ATP13A5: variants seen among roughly 807,000 people sequenced by gnomAD.
ATP13A5 encodes the protein ATPase 13A5, also known as probable cation-transporting ATPase 13A5.
ATP13A5 carries 149 observed loss-of-function variants against 150.2 expected under a neutral mutation model. The observed-to-expected ratio is 0.99, with a 90% CI of 0.87 to 1.14. The LOEUF is 1.14. ATP13A5 is among the 50% of genes most tolerant of loss of function. The pLI, the probability that ATP13A5 is intolerant of heterozygous loss-of-function variation, is 0.00. For synonymous variants in ATP13A5, 497 were observed against 522.2 expected, an observed-to-expected ratio of 0.95 and a Z score of 0.66; for missense variants, 1,383 against 1,449.3, an observed-to-expected ratio of 0.95 and a Z score of 0.74.
intron 19 of ATP13A5, among the ~76,000 whole-genome samples, chr3:193,312,432 C>T (rs763575085): frequency 6.6e-6 from 1 of 152,166 alleles, no homozygotes; most frequent in Non-Finnish European, 1.5e-5. Flanking sequence ...CCCACCTCAA[C>T]AGGTATCTCT....
chr3:193,378,281 CA>C (rs1713714225), intron 1 of ATP13A5, among the ~76,000 whole-genome samples: 1 of 152,138 alleles, frequency 6.6e-6, no homozygotes, highest in African/African-American at 2.4e-5. Context: ...CATACATACC[CA>C]AAGCACGAGA....
chr3:193,313,642 C>T (rs77667095), intron 19 of ATP13A5: 2,998 of 170,080 alleles, frequency 0.018, 71 homozygotes, highest in African/African-American at 0.051. Context: ...AATCTTACTG[C>T]TCTGAGCCTC....
chr3:193,286,739 C>T (rs1046299543), intron 26 of ATP13A5, among the ~76,000 whole-genome samples: 1 of 152,070 alleles, frequency 6.6e-6, no homozygotes, highest in Non-Finnish European at 1.5e-5. Context: ...CCACAGTGGC[C>T]TCTAAGTGTT....
Position 193,279,350 on chromosome 3 carries a change from A to T in ATP13A5, c.3315+16T>A. 6.3e-7 allele frequency: 1 copy of T among 1,597,820 alleles called. No individual in the cohort carries two copies. Among genetic ancestry groups the T allele is most frequent in the Non-Finnish European group, 8.6e-7 (1 of 1,165,386 alleles). ...GTACATGAGTCATGCCAGATGTGCA[A>T]ATGAATGCCACTTACCTCCATTCCA... is the stretch of plus-strand genomic sequence containing the variant. On this transcript the variant is annotated intron_variant, in intron 28 of 29. Coordinates refer to ENST00000342358, the MANE Select transcript of ATP13A5 (RefSeq NM_198505.4).
chr3:193,342,277 G>T (rs1712157358), intron 9 of ATP13A5, among the ~76,000 whole-genome samples: 1 of 152,182 alleles, frequency 6.6e-6, no homozygotes, highest in Admixed American at 6.5e-5. Context: ...AATCATATTT[G>T]TGGACAAATT....
At chr3:193,285,168 T>A in intron 26 of ATP13A5, 52 bp from the exon 27 acceptor site, 1 of 1,474,232 alleles carries the variant, frequency 6.8e-7, no homozygotes, top group Admixed American at 2.0e-5. Flanking sequence ...TTTTTGTCCA[T>A]TAGGTGAAAA....
intron 1 of ATP13A5, among the ~76,000 whole-genome samples, chr3:193,369,239 C>T (rs540938735): frequency 6.6e-6 from 1 of 151,822 alleles, no homozygotes; most frequent in Non-Finnish European, 1.5e-5. Context: ...CCTGTCTCTA[C>T]TGTCTCTAAG....
chr3:193,342,384 G>A (rs1194193853), intron 9 of ATP13A5, among the ~76,000 whole-genome samples: 4 of 152,170 alleles, frequency 2.6e-5, no homozygotes, highest in Admixed American at 2.6e-4. Context: ...GAGGATCTAT[G>A]TAGGCTGTGC....
chr3:193,289,754 CATT>C, intron 26 of ATP13A5, 128 bp downstream of exon 26: 1 of 781,430 alleles, frequency 1.3e-6, no homozygotes, highest in Non-Finnish European at 2.0e-6. Flanking sequence ...TCTGTCCCAT[CATT>C]TGAGTTTTGC....
chr3:193,341,510 G>T (rs1471041731), intron 9 of ATP13A5, among the ~76,000 whole-genome samples: 1 of 152,162 alleles, frequency 6.6e-6, no homozygotes, highest in East Asian at 1.9e-4. Context: ...ACGGGAACAT[G>T]CAACAAGGTT....
intron 9 of ATP13A5, among the ~76,000 whole-genome samples, chr3:193,342,686 T>C (rs568703357): frequency 1.1e-4 from 17 of 152,284 alleles, no homozygotes; most frequent in African/African-American, 4.1e-4. Flanking sequence ...GCAAGTTCTA[T>C]ACACCCGCTA....
chr3:193,296,303 C>T (rs976476185), intron 25 of ATP13A5, among the ~76,000 whole-genome samples: 1 of 152,154 alleles, frequency 6.6e-6, no homozygotes, highest in Non-Finnish European at 1.5e-5. Flanking sequence ...GAACCCCGTG[C>T]CTATTGCCTA....
In ATP13A5 at chr3:193,321,765, C is replaced by T. The variant is rs143477252; in HGVS notation, c.1831G>A (p.Ala611Thr). ...AAATGATTCTCCCCAGCTAGCTGAG[C>T]GATCACGGACATCCTCTGCAGGCTC... The part of the protein sequence containing the change: ...SSSLQRMSVI[A>T]QLAGENHFHV... The change falls in exon 16 of 30, where the codon GCT becomes ACT. Residue 611 changes from alanine (A) to threonine (T), a missense_variant. Around this residue, in one of 3 missense-constraint regions of ATP13A5, gnomAD observed 787 missense variants for 771.9 expected, o/e 1.02. Coordinates refer to ENST00000342358, the MANE Select transcript of ATP13A5 (RefSeq NM_198505.4). The T allele has an allele frequency of 1.5e-4, 235 of 1,614,184 alleles. No individual in the cohort carries two copies. The African/African-American group carries it at 1.7e-3, about 12-fold the overall frequency.
At chr3:193,320,335 T>C (rs777106949) in intron 16 of ATP13A5, among the ~76,000 whole-genome samples, 1 of 152,198 alleles carries the variant, frequency 6.6e-6, no homozygotes, top group Non-Finnish European at 1.5e-5. Flanking sequence ...TTCTTAGCTC[T>C]CTATTTCTAA....
intron 11 of ATP13A5, among the ~76,000 whole-genome samples, chr3:193,333,029 T>C (rs1198196110): frequency 6.6e-6 from 1 of 152,138 alleles, no homozygotes; most frequent in Non-Finnish European, 1.5e-5. Context: ...CTGGGAGCTA[T>C]TTCAGATTGA....
At chr3:193,289,154 A>C (rs1717843225) in intron 26 of ATP13A5, among the ~76,000 whole-genome samples, 1 of 152,068 alleles carries the variant, frequency 6.6e-6, no homozygotes, top group Non-Finnish European at 1.5e-5. Flanking sequence ...TTGCTATTTC[A>C]AAGAGAGCAG....
chr3:193,377,480 T>C (rs1294182169), intron 1 of ATP13A5, among the ~76,000 whole-genome samples: 1 of 152,238 alleles, frequency 6.6e-6, no homozygotes, highest in Non-Finnish European at 1.5e-5. Flanking sequence ...TACTTTTTTT[T>C]ACTAAATTCT....
intron 6 of ATP13A5, among the ~76,000 whole-genome samples, chr3:193,353,864 C>CCCACCACCA (rs1245931448): frequency 4.0e-5 from 6 of 151,016 alleles, no homozygotes; most frequent in African/African-American, 1.5e-4. Flanking sequence ...GACTAACCAC[C>CCCACCACCA]CCACCACCAC....
At chr3:193,334,033 A>C in intron 10 of ATP13A5, 126 bp from the exon 11 acceptor site, 1 of 835,030 alleles carries the variant, frequency 1.2e-6, no homozygotes, top group East Asian at 2.8e-5. Flanking sequence ...TCATTTTATA[A>C]GTTTTCAGGT....
Sources: gnomAD v4.1 joint callset for allele counts (sites outside exome capture counted in the v4.1 genomes callset) on GRCh38, gnomAD v4.1.1 for gene constraint, gnomAD v4.1.1 regional missense constraint, MANE v1.5 for transcripts, NCBI Gene and HGNC (gene_info 2026-07-23, HGNC 2026-07-21) for gene names.